The following RIMBP2 variants were observed in gnomAD, a reference collection of about 807,000 sequenced individuals.
RIMBP2 encodes RIMS binding protein 2, also known as RIMS-binding protein 2.
Under a neutral mutation model 118.6 loss-of-function variants are expected in RIMBP2, and 48 were observed. The ratio of observed to expected loss-of-function variants is 0.40; its 90% confidence interval spans 0.32 to 0.51. The LOEUF (loss-of-function observed/expected upper bound fraction) is 0.51. Among genes scored for constraint, RIMBP2 ranks in the 20% least tolerant of loss-of-function variants. RIMBP2 has a pLI of 0.41. For missense variants in RIMBP2, 1,551 were observed against 1,768.3 expected (o/e 0.88, Z 2.20); for synonymous variants, 762 against 742.9 (o/e 1.03, Z -0.42).
At chr12:130,686,334 C>G (rs59000581) in intron 1 of RIMBP2, among the ~76,000 whole-genome samples, 11,902 of 152,252 alleles carry the variant, frequency 0.078, 1,568 homozygotes, top group African/African-American at 0.27. Context: ...CTGCAAGGTG[C>G]GGCAGCACAG....
intron 19 of RIMBP2, among the ~76,000 whole-genome samples, chr12:130,411,984 T>C (rs1296936309): frequency 3.3e-5 from 5 of 152,166 alleles, no homozygotes; most frequent in African/African-American, 1.2e-4. Context: ...TCTACAGCTT[T>C]TTAGAAAAAG....
chr12:130,563,383 T>C (rs1236377846), intron 2 of RIMBP2, among the ~76,000 whole-genome samples: 1 of 152,244 alleles, frequency 6.6e-6, no homozygotes, highest in African/African-American at 2.4e-5. Context: ...AAATACCAAA[T>C]GGAAGAATAG....
chr12:130,671,208 C>T (rs1352489596), intron 1 of RIMBP2, among the ~76,000 whole-genome samples: 5 of 152,232 alleles, frequency 3.3e-5, no homozygotes, highest in South Asian at 4.2e-4. Context: ...TAAGAGACCC[C>T]GGCCCTGATC....
At chr12:130,435,296 G>A (rs960184637) in intron 13 of RIMBP2, among the ~76,000 whole-genome samples, 7 of 151,990 alleles carry the variant, frequency 4.6e-5, no homozygotes, top group East Asian at 1.9e-4. Flanking sequence ...TGCCCACCTC[G>A]GCCTCCCAAA....
At position 130,424,604 on chromosome 12, in the gene RIMBP2, C is replaced by T. The variant is rs1269697755; in HGVS notation, c.2667G>A (p.Arg889=). The T allele has an allele frequency of 1.6e-6, 2 of 1,231,814 alleles. No individual in the cohort carries two copies. The highest frequency in any genetic ancestry group is 4.1e-5 in the South Asian group (1 of 24,320). 76.3% of individuals were successfully genotyped at this position (1,231,814 alleles called of 1,614,324 possible). Residue 889 remains arginine (R), a synonymous_variant, in exon 16 of 23, where the codon AGG becomes AGA. Transcript: ENST00000690449. The surrounding 1 kb of genome is among the most constrained non-coding windows in gnomAD (Gnocchi z 9.8). ...CCACGTGGGGGACGGCCCCCGAGCC[C>T]CTGTGCTTCACCGGGAACCAGGAGC... The part of the protein sequence containing the change: ...PRGSWFPVKH[R]GSGAVPHVED...
intron 17 of RIMBP2, 134 bp from the exon 18 acceptor site, chr12:130,414,440 T>A: frequency 1.3e-6 from 1 of 796,860 alleles, no homozygotes; most frequent in Non-Finnish European, 2.0e-6. Flanking sequence ...TCTTAACATG[T>A]AGGTGGAAAT....
At chr12:130,664,460 C>T (rs931279100) in intron 1 of RIMBP2, among the ~76,000 whole-genome samples, 11 of 84,364 alleles carry the variant, frequency 1.3e-4, no homozygotes, top group African/African-American at 2.2e-4. Context: ...CACACATGCA[C>T]GCACACACAC....
chr12:130,501,668 A>G (rs1472487021), intron 4 of RIMBP2, among the ~76,000 whole-genome samples: 1 of 152,238 alleles, frequency 6.6e-6, no homozygotes, highest in African/African-American at 2.4e-5. Flanking sequence ...TGGTTTAAAT[A>G]CGACTTCGGA....
In RIMBP2 at chr12:130,451,274, C is replaced by G; in HGVS notation, c.425G>C (p.Gly142Ala). ...GGCGGACAGAGGCTCCGGCCTGTCA[C>G]CAGGCTGCGGAAGGGGCCGGATATA... Reference protein sequence around the residue: ...GEYIRPLPQPGDRPEPLSAKP... With the variant: ...GEYIRPLPQPADRPEPLSAKP... The change falls in exon 8 of 23, where the codon GGT becomes GCT. Residue 142 changes from glycine (G) to alanine (A), a missense_variant. Gly to Ala is a moderately conservative substitution (Grantham distance 60). Coordinates refer to ENST00000690449, the MANE Select transcript of RIMBP2 (RefSeq NM_001393629.1). The G allele has an allele frequency of 2.5e-6, 4 of 1,614,208 alleles. No homozygotes were observed. The South Asian group carries it at 3.3e-5, about 13-fold the overall frequency.
chr12:130,579,766 A>T (rs1333759129), intron 2 of RIMBP2, among the ~76,000 whole-genome samples: 1 of 151,956 alleles, frequency 6.6e-6, no homozygotes, highest in South Asian at 2.1e-4. Context: ...GGACCCAGCA[A>T]TGGTCGTGTT....
chr12:130,525,465 G>T lies in RIMBP2; in HGVS notation c.-216-7548C>A, dbSNP rs2052677855. On this transcript the variant is annotated intron_variant, in intron 2 of 22. Transcript: ENST00000690449. This position sits in a 1 kb window ranked among gnomAD's most constrained non-coding sequence, Gnocchi z 4.4. ...CTTAGAGCCTCCTAGGGGCATGGAT[G>T]ACTAAGGAAGGTAGAGAATGCCCTG... Among the ~76,000 whole-genome samples the T allele has an allele frequency of 2.0e-5, 3 of 152,178 alleles. No individual in the cohort carries two copies. The highest frequency in any genetic ancestry group is 2.1e-4 in the South Asian group (1 of 4,822).
intron 2 of RIMBP2, among the ~76,000 whole-genome samples, chr12:130,579,572 T>C (rs1465602776): frequency 6.6e-6 from 1 of 152,152 alleles, no homozygotes; most frequent in Non-Finnish European, 1.5e-5. Flanking sequence ...AAAACCCTCA[T>C]AGCTGTGAGT....
At chr12:130,610,023 A>G (rs2060416177) in intron 2 of RIMBP2, among the ~76,000 whole-genome samples, 1 of 152,214 alleles carries the variant, frequency 6.6e-6, no homozygotes, top group Non-Finnish European at 1.5e-5. Context: ...CAGGCACCCC[A>G]AAAAATAGTG....
At chr12:130,664,439 G>GCACACGCA (rs2063818554) in intron 1 of RIMBP2, among the ~76,000 whole-genome samples, 27 of 123,416 alleles carry the variant, frequency 2.2e-4, no homozygotes, top group East Asian at 4.9e-4. Flanking sequence ...ATGCATGCAC[G>GCACACGCA]CACACACGCA....
At position 130,475,556 on chromosome 12, in the gene RIMBP2, A is replaced by AC. The variant is rs2081356716; in HGVS notation, c.102+3355dup. On this transcript the variant is annotated intron_variant, in intron 5 of 22. Coordinates refer to ENST00000690449, the MANE Select transcript of RIMBP2 (RefSeq NM_001393629.1). This position sits in a 1 kb window ranked among gnomAD's most constrained non-coding sequence, Gnocchi z 4.1. ...AAAGAGGCAGGGAGGAGACCCGCAG[A>AC]CGGTGGGGAGGGGCATTTCCAGGAC... 6.6e-6 allele frequency among the ~76,000 whole-genome samples: 1 copy of AC among 152,124 alleles called. No homozygotes were observed. The highest frequency in any genetic ancestry group is 2.4e-5 in the African/African-American group (1 of 41,420).
In RIMBP2 at chr12:130,397,427, C is replaced by T. The variant is rs1024124778; in HGVS notation, c.4023G>A (p.Ser1341=). Reference sequence around the variant, plus strand: ...TGGAAAGCAGCCCCTTTTTCTTTTTCGAGGACATTTCCCTGCCTCTCCCAG... The same window carrying T: ...TGGAAAGCAGCCCCTTTTTCTTTTTTGAGGACATTTCCCTGCCTCTCCCAG... ...GSPGRGREMS[S]KKKKGLLSKG... The change falls in exon 23 of 23, where the codon TCG becomes TCA. Residue 1341 remains serine (S), a synonymous_variant. Coordinates refer to ENST00000690449, the MANE Select transcript of RIMBP2 (RefSeq NM_001393629.1). 1 of 398,832 alleles carries T rather than the reference C, an allele frequency of 2.5e-6. No individual in the cohort carries two copies. 24.7% of individuals were successfully genotyped at this position (398,832 alleles called of 1,614,324 possible).
At chr12:130,484,175 C>T (rs1419819501) in intron 4 of RIMBP2, among the ~76,000 whole-genome samples, 1 of 152,200 alleles carries the variant, frequency 6.6e-6, no homozygotes, top group African/African-American at 2.4e-5. Flanking sequence ...CGCATCCCAG[C>T]TGAAAGCCCC....
Position 130,634,574 on chromosome 12 carries a change from C to T in RIMBP2, c.-351-6118G>A, listed in dbSNP as rs974051061. Among the ~76,000 whole-genome samples the T allele has an allele frequency of 3.4e-5, 5 of 146,032 alleles. No homozygotes were observed. In the Admixed American group the frequency reaches 3.6e-4, roughly 10 times the overall value. ...CGTCACATCATCCAATGCAAAGAAACCTGCCTCTCTTTAAAGATGACTTTT... is the reference window on the plus strand; with the variant it reads ...CGTCACATCATCCAATGCAAAGAAATCTGCCTCTCTTTAAAGATGACTTTT... On this transcript the variant is annotated intron_variant, in intron 1 of 22. Transcript: ENST00000690449.
At chr12:130,687,978 C>A (rs920307605) in intron 1 of RIMBP2, among the ~76,000 whole-genome samples, 1 of 152,156 alleles carries the variant, frequency 6.6e-6, no homozygotes, top group African/African-American at 2.4e-5. Context: ...ATTATTACCA[C>A]GAGAGACAGT....
Sources: allele counts gnomAD v4.1 joint callset (sites outside exome capture counted in the v4.1 genomes callset), GRCh38; gene constraint gnomAD v4.1.1; non-coding constraint Gnocchi (gnomAD v3.1); transcripts MANE v1.5; gene names NCBI Gene and HGNC (gene_info 2026-07-23, HGNC 2026-07-21).